The following PRICKLE1 variants were observed in gnomAD, a reference collection of about 807,000 sequenced individuals.
The protein encoded by PRICKLE1 is prickle planar cell polarity protein 1.
A neutral mutation model predicts 70.2 loss-of-function variants in PRICKLE1; 14 were observed. That is an observed-to-expected ratio of 0.20 (90% CI 0.13 to 0.31). The LOEUF is 0.31. PRICKLE1 is among the 10% of genes least tolerant of loss of function. The pLI is 1.00. For missense variants in PRICKLE1, 821 were observed against 1,026.2 expected (o/e 0.80, Z 2.73); for synonymous variants, 357 against 379.9 (o/e 0.94, Z 0.70).
rs1234815468 is a variant in PRICKLE1 at position 42,529,814 on chromosome 12, T to C, written c.-48-57250A>G. Among the ~76,000 whole-genome samples, 6 of 152,134 alleles carry C rather than the reference T, an allele frequency of 3.9e-5. No homozygotes were observed. The East Asian group carries it at 1.2e-3, about 29-fold the overall frequency. On this transcript the variant is annotated intron_variant, in intron 1 of 7. Coordinates refer to ENST00000345127, the MANE Select transcript of PRICKLE1 (RefSeq NM_153026.3). ...AGGAGGCTGAGGCACGAGAATTGCT[T>C]GAACCCAAGAAGCAATGAGCCAAGA...
At chr12:42,538,198 T>C (rs1940048130) in intron 1 of PRICKLE1, among the ~76,000 whole-genome samples, 1 of 152,186 alleles carries the variant, frequency 6.6e-6, no homozygotes. Context: ...TCCAATATAG[T>C]AGCCATTAGG....
intron 7 of PRICKLE1, chr12:42,463,602 C>A (rs966652444): frequency 4.6e-5 from 7 of 152,200 alleles, no homozygotes; most frequent in East Asian, 3.9e-4. Context: ...CACCTGTAAT[C>A]CCAGCTACTG....
At chr12:42,540,755 T>G (rs1380186594) in intron 1 of PRICKLE1, among the ~76,000 whole-genome samples, 1 of 152,062 alleles carries the variant, frequency 6.6e-6, no homozygotes, top group African/African-American at 2.4e-5. Flanking sequence ...GAGATAGGGT[T>G]TCACTATGTT....
At chr12:42,475,658 T>C (rs185502972) in intron 1 of PRICKLE1, among the ~76,000 whole-genome samples, 1 of 152,270 alleles carries the variant, frequency 6.6e-6, no homozygotes, top group Non-Finnish European at 1.5e-5. Context: ...AAAAGGATTG[T>C]AAAAATTCAA....
chr12:42,525,246 C>T (rs1287338157), intron 1 of PRICKLE1, among the ~76,000 whole-genome samples: 1 of 152,222 alleles, frequency 6.6e-6, no homozygotes, highest in Admixed American at 6.5e-5. Flanking sequence ...ATCGAAGCTC[C>T]ATTCTCCTTT....
chr12:42,568,288 C>T (rs1940654834), intron 1 of PRICKLE1, among the ~76,000 whole-genome samples: 2 of 152,230 alleles, frequency 1.3e-5, no homozygotes, highest in Admixed American at 1.3e-4. Flanking sequence ...CATCCTCCCA[C>T]CTCAGCCTCC....
Position 42,469,524 on chromosome 12 carries a change from G to A in PRICKLE1, c.310C>T (p.Arg104Trp), listed in dbSNP as rs772217655. 16 of 1,613,922 alleles carry A rather than the reference G, an allele frequency of 9.9e-6. No individual in the cohort carries two copies. Among genetic ancestry groups the A allele is most frequent in the South Asian group, 3.3e-5 (3 of 91,076 alleles). The change falls in exon 4 of 8, where the codon CGG (arginine) becomes TGG (tryptophan). Residue 104 changes from arginine to tryptophan, a missense_variant. Physicochemically the swap from Arg to Trp is moderately radical, Grantham distance 101. Transcript: ENST00000345127. ...CCTCTTCCCAGTGCTTCTTTCTTCC[G>A]CTGAGCACTGAACACCTGCAACTCT... ...KKELQVFSAQ[R>W]KKEALGRGTI...
intron 1 of PRICKLE1, among the ~76,000 whole-genome samples, chr12:42,488,655 TA>T (rs1343115086): frequency 1.2e-4 from 18 of 152,144 alleles, no homozygotes; most frequent in Non-Finnish European, 4.4e-5. Context: ...TTCCAATAAA[TA>T]TTGAGAGAGC....
chr12:42,568,802 T>C (rs970081940), intron 1 of PRICKLE1, among the ~76,000 whole-genome samples: 2 of 152,184 alleles, frequency 1.3e-5, no homozygotes, highest in Admixed American at 1.3e-4. Context: ...CAGTGAACAT[T>C]GTACTCAATA....
chr12:42,518,050 A>C (rs913176814), intron 1 of PRICKLE1, among the ~76,000 whole-genome samples: 1 of 152,018 alleles, frequency 6.6e-6, no homozygotes, highest in Non-Finnish European at 1.5e-5. Flanking sequence ...TAGCAAGAAG[A>C]CTGGTTTTAC....
chr12:42,533,241 G>A (rs569595151), intron 1 of PRICKLE1, among the ~76,000 whole-genome samples: 9 of 146,708 alleles, frequency 6.1e-5, no homozygotes, highest in East Asian at 2.0e-4. Context: ...TTTTTTACCC[G>A]TTTGACAATA....
intron 1 of PRICKLE1, chr12:42,484,030 A>G (rs1938917022): frequency 6.8e-6 from 1 of 146,216 alleles, no homozygotes; most frequent in African/African-American, 2.5e-5. Flanking sequence ...AAAAAAAAAA[A>G]AAAAAAAAAA....
At chr12:42,566,071 C>A (rs1422909912) in intron 1 of PRICKLE1, among the ~76,000 whole-genome samples, 1 of 152,086 alleles carries the variant, frequency 6.6e-6, no homozygotes, top group Admixed American at 6.6e-5. Flanking sequence ...GAGTGCAGAG[C>A]GGGCTGTGGA....
At chr12:42,581,678 C>T (rs543168074) in intron 1 of PRICKLE1, among the ~76,000 whole-genome samples, 18 of 150,428 alleles carry the variant, frequency 1.2e-4, no homozygotes, top group African/African-American at 3.2e-4. Context: ...ACCCAGGAGG[C>T]GGAGGTTGCA....
chr12:42,548,748 TGTC>T (rs1940255066), intron 1 of PRICKLE1, among the ~76,000 whole-genome samples: 1 of 152,182 alleles, frequency 6.6e-6, no homozygotes, highest in Non-Finnish European at 1.5e-5. Flanking sequence ...TGTGCTATCC[TGTC>T]CATCCCTCAC....
chr12:42,579,933 G>A (rs1194432884), intron 1 of PRICKLE1, among the ~76,000 whole-genome samples: 2 of 151,644 alleles, frequency 1.3e-5, no homozygotes, highest in Non-Finnish European at 2.9e-5. Context: ...GTGCAATGGC[G>A]CAATCTTGGC....
At chr12:42,481,063 T>C (rs1248824364) in intron 1 of PRICKLE1, among the ~76,000 whole-genome samples, 1 of 152,162 alleles carries the variant, frequency 6.6e-6, no homozygotes, top group Non-Finnish European at 1.5e-5. Flanking sequence ...AGGAAGAAAT[T>C]GGGCCAAAGA....
chr12:42,544,852 T>C (rs924191178), intron 1 of PRICKLE1, among the ~76,000 whole-genome samples: 6 of 152,310 alleles, frequency 3.9e-5, no homozygotes, highest in African/African-American at 4.8e-5. Context: ...CAAAATAATA[T>C]GTAGAGACTA....
chr12:42,464,251 C>T lies in PRICKLE1; in HGVS notation c.1639+144G>A. ...GCCTGGGCTGGTCTCGAACTCCTGACCTCAAATGATCTGCCCACCTCAGCC... is the reference window on the plus strand; with the variant it reads ...GCCTGGGCTGGTCTCGAACTCCTGATCTCAAATGATCTGCCCACCTCAGCC... On this transcript the variant is annotated intron_variant, in intron 7 of 7. Transcript: ENST00000345127. This position sits in a 1 kb window ranked among gnomAD's most constrained non-coding sequence, Gnocchi z 4.2. The T allele has an allele frequency of 1.9e-6, 2 of 1,038,856 alleles. No individual in the cohort carries two copies. Among genetic ancestry groups the T allele is most frequent in the Admixed American group, 3.4e-5 (2 of 58,596 alleles). 64.4% of individuals were successfully genotyped at this position (1,038,856 alleles called of 1,614,324 possible).
Sources: allele counts gnomAD v4.1 joint callset (sites outside exome capture counted in the v4.1 genomes callset), GRCh38; gene constraint gnomAD v4.1.1; non-coding constraint Gnocchi (gnomAD v3.1); transcripts MANE v1.5; gene names NCBI Gene and HGNC (gene_info 2026-07-23, HGNC 2026-07-21).